Variants in EPB41L1 observed in about 807,000 individuals in gnomAD.
EPB41L1 encodes band 4.1-like protein 1.
EPB41L1 carries 29 observed loss-of-function variants against 97.8 expected under a neutral mutation model. That is an observed-to-expected ratio of 0.30 (90% CI 0.22 to 0.40). The LOEUF (loss-of-function observed/expected upper bound fraction) is 0.40, where lower values mean the gene tolerates loss of function less well. Ranked by LOEUF, EPB41L1 falls within the 10% of genes least tolerant of loss-of-function variation. The pLI, the probability that EPB41L1 is intolerant of heterozygous loss-of-function variation, is 1.00. For synonymous variants in EPB41L1, 383 were observed against 459.2 expected (o/e 0.83, Z 2.12); for missense variants, 812 against 1,162.3 (o/e 0.70, Z 4.38).
At chr20:36,108,265 C>T (rs2058266790) in intron 1 of EPB41L1, among the ~76,000 whole-genome samples, 1 of 151,978 alleles carries the variant, frequency 6.6e-6, no homozygotes, top group Non-Finnish European at 1.5e-5. Context: ...CAGGCATGAA[C>T]CACCGTGCTG....
chr20:36,232,710 C>T lies in EPB41L1; in HGVS notation c.*3370C>T. 5.0e-6 allele frequency: 2 copies of T among 399,216 alleles called. No homozygotes were observed. 24.7% of individuals were successfully genotyped at this position (399,216 alleles called of 1,614,324 possible). On this transcript the variant is annotated 3_prime_UTR_variant, in exon 22 of 22. Coordinates refer to ENST00000338074, the MANE Select transcript of EPB41L1 (RefSeq NM_012156.2). ...CTCTCCTTTCTCGTCCCCATGCTCCCCCACCTCAGTGCTCCGTGCTGTATG... is the reference window on the plus strand; with the variant it reads ...CTCTCCTTTCTCGTCCCCATGCTCCTCCACCTCAGTGCTCCGTGCTGTATG...
At chr20:36,214,319 C>T (rs1320986790) in intron 16 of EPB41L1, 38 bp from the exon 17 acceptor site, 2 of 1,558,876 alleles carry the variant, frequency 1.3e-6, no homozygotes, top group Non-Finnish European at 1.8e-6. Context: ...CAGGTATACC[C>T]AGCTCTCCCC....
At chr20:36,111,360 T>C (rs993346455) in intron 1 of EPB41L1, among the ~76,000 whole-genome samples, 1 of 152,206 alleles carries the variant, frequency 6.6e-6, no homozygotes, top group Non-Finnish European at 1.5e-5. Flanking sequence ...AGGGTGCCTG[T>C]AGCTTCTCCC....
At chr20:36,097,395 T>C (rs1297747740) in intron 1 of EPB41L1, among the ~76,000 whole-genome samples, 4 of 152,212 alleles carry the variant, frequency 2.6e-5, no homozygotes, top group Admixed American at 2.6e-4. Context: ...CACAGGATTG[T>C]TTTGATAATT....
At chr20:36,180,228 C>T (rs1366218825) in intron 5 of EPB41L1, among the ~76,000 whole-genome samples, 1 of 152,236 alleles carries the variant, frequency 6.6e-6, no homozygotes, top group Non-Finnish European at 1.5e-5. Flanking sequence ...CCTCATCCTA[C>T]CTTCTGGTGC....
chr20:36,188,549 G>A (rs769249223), intron 9 of EPB41L1, 50 bp downstream of exon 9: 6 of 1,429,208 alleles, frequency 4.2e-6, no homozygotes, highest in Non-Finnish European at 5.6e-6. Context: ...AACTAGAATG[G>A]AGTGGACCCT....
intron 2 of EPB41L1, among the ~76,000 whole-genome samples, chr20:36,146,250 C>T (rs907649430): frequency 6.6e-5 from 10 of 152,196 alleles, no homozygotes; most frequent in African/African-American, 2.4e-4. Flanking sequence ...TAGGTCCCTC[C>T]AGGTACACAG....
chr20:36,163,737 G>A (rs2060625025), intron 1 of EPB41L1, among the ~76,000 whole-genome samples: 2 of 152,194 alleles, frequency 1.3e-5, no homozygotes, highest in Non-Finnish European at 2.9e-5. Flanking sequence ...GTGACTGGTA[G>A]AGGTGGGCAG....
Position 36,173,964 on chromosome 20 carries a change from C to T in EPB41L1, c.177+10C>T, listed in dbSNP as rs374844407. The stretch of plus-strand genomic sequence containing the variant: ...GCGGCCTGCTGAACAGGTGTGTGCC[C>T]GAGAGCATGGGCGTACCTTTCCTGC... On this transcript the variant is annotated intron_variant, in intron 2 of 21. Transcript: ENST00000338074. 38 of 1,608,890 alleles carry T rather than the reference C, an allele frequency of 2.4e-5. No individual in the cohort carries two copies. Among genetic ancestry groups the T allele is most frequent in the Admixed American group, 8.4e-5 (5 of 59,242 alleles).
At chr20:36,163,711 G>A (rs552581355) in intron 1 of EPB41L1, among the ~76,000 whole-genome samples, 1 of 152,276 alleles carries the variant, frequency 6.6e-6, no homozygotes, top group African/African-American at 2.4e-5. Context: ...GGAGGGAGTG[G>A]TGTTACCTGA....
At chr20:36,098,489 TTGCCAGCAATC>T (rs942831104) in intron 1 of EPB41L1, among the ~76,000 whole-genome samples, 1 of 152,192 alleles carries the variant, frequency 6.6e-6, no homozygotes, top group African/African-American at 2.4e-5. Context: ...CTTCTGGTGG[TTGCCAGCAATC>T]TTTGGCATTT....
At chr20:36,146,613 G>T (rs773603902) in intron 2 of EPB41L1, among the ~76,000 whole-genome samples, 2 of 152,218 alleles carry the variant, frequency 1.3e-5, no homozygotes, top group African/African-American at 2.4e-5. Context: ...TGGTCTAGCC[G>T]TCTGGTCCCT....
In EPB41L1 at chr20:36,195,468, A is replaced by C; in HGVS notation, c.1485+104A>C. Reference sequence around the variant, plus strand: ...AGGCTCACTTCCCTGGCACCATCTCAGCTTCAACTTCATCTCTGCTCCCCA... The same window carrying C: ...AGGCTCACTTCCCTGGCACCATCTCCGCTTCAACTTCATCTCTGCTCCCCA... On this transcript the variant is annotated intron_variant, in intron 13 of 21. Transcript: ENST00000338074. The surrounding 1 kb of genome is among the most constrained non-coding windows in gnomAD (Gnocchi z 4.6). 4.6e-5 allele frequency: 61 copies of C among 1,327,520 alleles called. No homozygotes were observed. Among genetic ancestry groups the C allele is most frequent in the Non-Finnish European group, 6.0e-5 (56 of 927,442 alleles). The allele number at this position is 1,327,520 out of a possible 1,614,324, so 82.2% of individuals were successfully genotyped here.
intron 1 of EPB41L1, among the ~76,000 whole-genome samples, chr20:36,167,068 A>T (rs2060768427): frequency 6.6e-6 from 1 of 152,212 alleles, no homozygotes; most frequent in Admixed American, 6.5e-5. Flanking sequence ...ACAATCTAGC[A>T]TGCTGTAACC....
At chr20:36,159,373 T>G (rs754802917) in intron 1 of EPB41L1, among the ~76,000 whole-genome samples, 3 of 152,212 alleles carry the variant, frequency 2.0e-5, no homozygotes, top group Non-Finnish European at 4.4e-5. Context: ...GATAAAATAA[T>G]ACGCAGTGGT....
chr20:36,191,513 G>A (rs2061949136), intron 11 of EPB41L1, among the ~76,000 whole-genome samples: 1 of 152,076 alleles, frequency 6.6e-6, no homozygotes, highest in Non-Finnish European at 1.5e-5. Flanking sequence ...AAGCAAGCAC[G>A]AAAATTCCCA....
intron 2 of EPB41L1, among the ~76,000 whole-genome samples, chr20:36,120,350 A>C (rs2058713318): frequency 6.6e-6 from 1 of 152,208 alleles, no homozygotes; most frequent in African/African-American, 2.4e-5. Context: ...TATCCGCTGG[A>C]CTGTAGAGCA....
intron 2 of EPB41L1, among the ~76,000 whole-genome samples, chr20:36,141,091 C>G (rs1600538809): frequency 6.6e-6 from 1 of 152,130 alleles, no homozygotes; most frequent in East Asian, 1.9e-4. Context: ...TAGAATATGG[C>G]CCCTTTCATA....
intron 2 of EPB41L1, among the ~76,000 whole-genome samples, chr20:36,114,789 G>A (rs2058534331): frequency 6.6e-6 from 1 of 152,112 alleles, no homozygotes; most frequent in Non-Finnish European, 1.5e-5. Flanking sequence ...CCAAGGGAAG[G>A]ACTCTGAGTG....
Sources: gnomAD v4.1 joint callset for allele counts (sites outside exome capture counted in the v4.1 genomes callset) on GRCh38, gnomAD v4.1.1 for gene constraint, Gnocchi (gnomAD v3.1) non-coding constraint, MANE v1.5 for transcripts, NCBI Gene and HGNC (gene_info 2026-07-23, HGNC 2026-07-21) for gene names.